The following LMNB1 variants were observed in gnomAD, a reference collection of about 807,000 sequenced individuals.
The protein encoded by LMNB1 is lamin B1.
A neutral mutation model predicts 67.1 loss-of-function variants in LMNB1; 23 were observed. The observed-to-expected ratio is 0.34, with a 90% CI of 0.25 to 0.49. The LOEUF (loss-of-function observed/expected upper bound fraction) is 0.49. LMNB1 is among the 20% of genes least tolerant of loss of function. LMNB1 has a pLI of 0.99. For synonymous variants in LMNB1, 281 were observed against 282.9 expected, an observed-to-expected ratio of 0.99 and a Z score of 0.07; for missense variants, 634 against 746.5, an observed-to-expected ratio of 0.85 and a Z score of 1.76.
Position 126,777,342 on chromosome 5 carries a change from C to A in LMNB1, c.-167C>A. On this transcript the variant is annotated 5_prime_UTR_variant, in exon 1 of 11. Transcript: ENST00000261366. ...GCGCCTTTGCCCTTTGTGCTGTAAT[C>A]GAGCTCCCGCCATCCCAGGTGCTTC... 1 of 704,148 alleles carries A rather than the reference C, an allele frequency of 1.4e-6. No homozygotes were observed. The allele number at this position is 704,148 out of a possible 1,614,324, so 43.6% of individuals were successfully genotyped here. A position where few individuals can be genotyped will look rare whatever the true frequency, so the allele number is the denominator to read the frequency against.
chr5:126,811,416 T>G (rs1318093709), intron 4 of LMNB1, among the ~76,000 whole-genome samples: 1 of 152,212 alleles, frequency 6.6e-6, no homozygotes, highest in African/African-American at 2.4e-5. Flanking sequence ...GTTAGGGATA[T>G]GTGATGTTTC....
chr5:126,804,190 A>G (rs1751356744), intron 1 of LMNB1, among the ~76,000 whole-genome samples: 1 of 150,428 alleles, frequency 6.6e-6, no homozygotes, highest in South Asian at 2.1e-4. Context: ...TCCCCGCCTA[A>G]GCCTCCCAAG....
chr5:126,789,188 G>C (rs570620857), intron 1 of LMNB1, among the ~76,000 whole-genome samples: 1 of 152,024 alleles, frequency 6.6e-6, no homozygotes, highest in Non-Finnish European at 1.5e-5. Context: ...TGTCTGGCGG[G>C]AGGGAGGCAT....
At chr5:126,800,982 A>ATT (rs57114367) in intron 1 of LMNB1, among the ~76,000 whole-genome samples, 1 of 18,640 alleles carries the variant, frequency 5.4e-5, no homozygotes, top group African/African-American at 1.7e-4. Context: ...TATATATATA[A>ATT]TTTTTTTTTT....
chr5:126,804,572 T>G (rs1012312637), intron 1 of LMNB1, among the ~76,000 whole-genome samples: 3 of 152,192 alleles, frequency 2.0e-5, no homozygotes, highest in Non-Finnish European at 4.4e-5. Context: ...TGACCCATAG[T>G]TATTAGTAAT....
intron 1 of LMNB1, among the ~76,000 whole-genome samples, chr5:126,802,703 A>G (rs1751314935): frequency 6.6e-6 from 1 of 151,814 alleles, no homozygotes; most frequent in Non-Finnish European, 1.5e-5. Flanking sequence ...GGCCTCCCAA[A>G]ATGCTGGGAT....
intron 10 of LMNB1, among the ~76,000 whole-genome samples, chr5:126,833,519 T>C (rs916024426): frequency 6.6e-6 from 1 of 152,236 alleles, no homozygotes; most frequent in Non-Finnish European, 1.5e-5. Context: ...CTGTCTCATA[T>C]ATTTAACCCC....
chr5:126,804,669 G>A, intron 1 of LMNB1, 107 bp from the exon 2 acceptor site: 1 of 988,800 alleles, frequency 1.0e-6, no homozygotes, highest in Admixed American at 2.9e-5. Context: ...TAGGTGATGG[G>A]AGCCTTTATT....
At chr5:126,801,201 T>G (rs1384007744) in intron 1 of LMNB1, among the ~76,000 whole-genome samples, 1 of 151,376 alleles carries the variant, frequency 6.6e-6, no homozygotes, top group Non-Finnish European at 1.5e-5. Flanking sequence ...CCCAGGCTAG[T>G]CTCCCTTCCA....
chr5:126,782,780 C>T (rs1704856550), intron 1 of LMNB1, among the ~76,000 whole-genome samples: 1 of 152,116 alleles, frequency 6.6e-6, no homozygotes, highest in African/African-American at 2.4e-5. Flanking sequence ...GATCTCTTGA[C>T]CTCGTGATCT....
chr5:126,789,708 G>T (rs978927607), intron 1 of LMNB1, among the ~76,000 whole-genome samples: 30 of 151,986 alleles, frequency 2.0e-4, no homozygotes, highest in African/African-American at 7.3e-4. Context: ...GAGACTTGCT[G>T]TGTCTTCTTG....
At position 126,819,151 on chromosome 5, in the gene LMNB1, C is replaced by T. The variant is rs367959167; in HGVS notation, c.1160+9C>T. 2 of 1,599,532 alleles carry T rather than the reference C, an allele frequency of 1.3e-6. No homozygotes were observed. The highest frequency in any genetic ancestry group is 1.3e-5 in the African/African-American group (1 of 74,624). On this transcript the variant is annotated intron_variant, in intron 6 of 10. Transcript: ENST00000261366. Reference sequence around the variant, plus strand: ...GAAGGCGAAGAAGAGAGGTAAGGAACTTAAGGGTCACCCTACCTTATGGTC... The same window carrying T: ...GAAGGCGAAGAAGAGAGGTAAGGAATTTAAGGGTCACCCTACCTTATGGTC...
chr5:126,783,371 A>ATATAAGAGTTATAAAACTAGTTTTCTT (rs759630050), intron 1 of LMNB1, among the ~76,000 whole-genome samples: 1 of 151,856 alleles, frequency 6.6e-6, no homozygotes, highest in Non-Finnish European at 1.5e-5. Context: ...ATAACTTAAA[A>ATATAAGAGTTATAAAACTAGTTTTCTT]TATAAGAGTT....
intron 9 of LMNB1, among the ~76,000 whole-genome samples, chr5:126,826,818 G>A (rs1403080244): frequency 6.6e-6 from 1 of 152,198 alleles, no homozygotes; most frequent in Non-Finnish European, 1.5e-5. Context: ...GCATCACTGA[G>A]CCTCTGTTTA....
chr5:126,812,877 C>T (rs900361750), intron 5 of LMNB1, among the ~76,000 whole-genome samples: 3 of 151,890 alleles, frequency 2.0e-5, no homozygotes, highest in South Asian at 4.1e-4. Flanking sequence ...ACTACAAGTG[C>T]GTGCCACCAC....
Position 126,777,522 on chromosome 5 carries a change from C to T in LMNB1, c.14C>T (p.Thr5Ile). 1 of 1,380,874 alleles carries T rather than the reference C, an allele frequency of 7.2e-7. No individual in the cohort carries two copies. The highest frequency in any genetic ancestry group is 1.8e-5 in the South Asian group (1 of 56,686). 85.5% of individuals were successfully genotyped at this position (1,380,874 alleles called of 1,614,324 possible). A position where few individuals can be genotyped will look rare whatever the true frequency, so the allele number is the denominator to read the frequency against. The change falls in exon 1 of 11, where the codon ACC becomes ATC. Residue 5 changes from threonine (T) to isoleucine (I), a missense_variant. Thr to Ile is a moderately conservative substitution (Grantham distance 89, BLOSUM62 -1). Coordinates refer to ENST00000261366, the MANE Select transcript of LMNB1 (RefSeq NM_005573.4). ...CCGCCGCCCGCCATGGCGACTGCGACCCCCGTGCCGCCGCGGATGGGCAGC... is the reference window on the plus strand; with the variant it reads ...CCGCCGCCCGCCATGGCGACTGCGATCCCCGTGCCGCCGCGGATGGGCAGC... MATA[T>I]PVPPRMGSRA...
chr5:126,825,957 G>C (rs1043608464), intron 8 of LMNB1, 31 bp from the exon 9 acceptor site: 1 of 1,612,552 alleles, frequency 6.2e-7, no homozygotes, highest in Admixed American at 1.7e-5. Context: ...ACTGGGTTCT[G>C]GGTGTACTGA....
At position 126,836,675 on chromosome 5, in the gene LMNB1, G is replaced by A. The variant is rs994785170; in HGVS notation, c.*411G>A. On this transcript the variant is annotated 3_prime_UTR_variant, in exon 11 of 11. Coordinates refer to ENST00000261366, the MANE Select transcript of LMNB1 (RefSeq NM_005573.4). ...ATTATTCTCTGCTATATATAAAACG[G>A]TGCTGTGAGGGAGGGGAAAAGCATT... is the stretch of plus-strand genomic sequence containing the variant. 2.7e-6 allele frequency: 1 copy of A among 377,102 alleles called. No homozygotes were observed. The highest frequency in any genetic ancestry group is 4.7e-6 in the Non-Finnish European group (1 of 214,064). 23.4% of individuals were successfully genotyped at this position (377,102 alleles called of 1,614,324 possible).
At chr5:126,816,008 C>T (rs1032678867) in intron 5 of LMNB1, among the ~76,000 whole-genome samples, 2 of 152,118 alleles carry the variant, frequency 1.3e-5, no homozygotes, top group African/African-American at 4.8e-5. Context: ...CTCTCATCAA[C>T]TCTCCTTTAG....
Sources: allele counts gnomAD v4.1 joint callset (sites outside exome capture counted in the v4.1 genomes callset), GRCh38; gene constraint gnomAD v4.1.1; transcripts MANE v1.5; gene names NCBI Gene and HGNC (gene_info 2026-07-23, HGNC 2026-07-21).